Variants in GPHN observed in about 807,000 individuals in gnomAD.
GPHN encodes gephyrin.
A neutral mutation model predicts 95.5 loss-of-function variants in GPHN; 17 were observed. The observed-to-expected ratio is 0.18, with a 90% confidence interval of 0.12 to 0.27. GPHN has a LOEUF of 0.27. GPHN is among the 10% of genes least tolerant of loss of function. GPHN has a pLI of 1.00. For missense variants in GPHN, 660 were observed against 978.1 expected, an observed-to-expected ratio of 0.67 and a Z score of 4.34; for synonymous variants, 320 against 322.5, an observed-to-expected ratio of 0.99 and a Z score of 0.08.
chr14:66,824,482 G>T lies in GPHN; in HGVS notation c.210G>T (p.Leu70=). Residue 70 remains leucine (L), a synonymous_variant, in exon 4 of 23, where the codon CTG becomes CTT. Coordinates refer to ENST00000478722, the MANE Select transcript of GPHN (RefSeq NM_020806.5). ...PDEIEEIKET[L]IDWCDEKELN... is the part of the protein sequence containing the mutation. ...CTATTGTTTTCTTTCAGGAAACCCT[G>T]ATAGATTGGTGTGATGAAAAGGAAC... is the stretch of plus-strand genomic sequence containing the variant. The T allele has an allele frequency of 6.4e-7, 1 of 1,574,210 alleles. No homozygotes were observed. Among genetic ancestry groups the T allele is most frequent in the Non-Finnish European group, 8.7e-7 (1 of 1,144,396 alleles).
chr14:67,353,191 T>C, the GPHN span: 4 of 614,858 alleles, frequency 6.5e-6, no homozygotes, highest in Non-Finnish European at 1.1e-5. Flanking sequence ...GTTTAACTGA[T>C]GCTATGGTTT....
At chr14:66,960,588 A>C (rs2068834241) in intron 8 of GPHN, among the ~76,000 whole-genome samples, 1 of 152,146 alleles carries the variant, frequency 6.6e-6, no homozygotes, top group Admixed American at 6.5e-5. Context: ...GAACCAAAAA[A>C]TTAATAATAA....
At chr14:67,426,156 C>A in the GPHN span, among the ~76,000 whole-genome samples, 1 of 152,022 alleles carries the variant, frequency 6.6e-6, no homozygotes, top group Non-Finnish European at 1.5e-5. Context: ...TTAAAATATT[C>A]AGTATGACTC....
chr14:67,095,966 C>CAAAAAAAAA, intron 12 of GPHN, among the ~76,000 whole-genome samples: 4 of 67,084 alleles, frequency 6.0e-5, no homozygotes, highest in Non-Finnish European at 1.4e-4. Context: ...AAGAAAAAGG[C>CAAAAAAAAA]AAAAAAAAAA....
At chr14:66,854,251 C>T (rs924297086) in intron 4 of GPHN, among the ~76,000 whole-genome samples, 6 of 152,180 alleles carry the variant, frequency 3.9e-5, no homozygotes, top group African/African-American at 1.2e-4. Context: ...TCTCAATACC[C>T]TTCAGTCATG....
intron 18 of GPHN, among the ~76,000 whole-genome samples, chr14:67,144,248 A>AT (rs1205670543): frequency 0.011 from 682 of 62,150 alleles, no homozygotes; most frequent in Admixed American, 0.015. Context: ...AAAAAAAAAA[A>AT]AAATATATAT....
At chr14:66,694,006 A>G (rs1309293461) in intron 2 of GPHN, among the ~76,000 whole-genome samples, 3 of 152,180 alleles carry the variant, frequency 2.0e-5, no homozygotes, top group Non-Finnish European at 4.4e-5. Flanking sequence ...AGACAAATAG[A>G]TCAAGGAAAA....
chr14:66,894,858 A>G (rs890282920), intron 5 of GPHN, among the ~76,000 whole-genome samples: 8 of 152,344 alleles, frequency 5.3e-5, no homozygotes, highest in African/African-American at 1.9e-4. Context: ...TCAGGAAACA[A>G]CAGGTGCTGA....
At chr14:67,148,403 T>A (rs1397933431) in intron 18 of GPHN, among the ~76,000 whole-genome samples, 1 of 152,154 alleles carries the variant, frequency 6.6e-6, no homozygotes, top group Non-Finnish European at 1.5e-5. Flanking sequence ...TACAATCTCA[T>A]GAAAGTTTGT....
intron 13 of GPHN, among the ~76,000 whole-genome samples, chr14:67,103,553 T>C (rs1181143970): frequency 6.8e-6 from 1 of 147,844 alleles, no homozygotes; most frequent in Admixed American, 6.7e-5. Context: ...CTCTTCAGTC[T>C]TTTTCATCAG....
the GPHN span, chr14:67,674,430 G>A: frequency 2.5e-6 from 4 of 1,609,304 alleles, no homozygotes; most frequent in East Asian, 4.5e-5. Context: ...CTTCATGGAG[G>A]CCGCGGAAGA....
At chr14:66,871,824 A>G (rs1490522939) in intron 4 of GPHN, among the ~76,000 whole-genome samples, 2 of 152,198 alleles carry the variant, frequency 1.3e-5, no homozygotes, top group African/African-American at 4.8e-5. Flanking sequence ...TACCTAATAC[A>G]TGCAGAGCTT....
intron 1 of GPHN, among the ~76,000 whole-genome samples, chr14:66,520,050 A>T (rs911407812): frequency 6.6e-6 from 1 of 152,184 alleles, no homozygotes; most frequent in African/African-American, 2.4e-5. Context: ...ATCTTCAAAG[A>T]TGTTCATATA....
intron 1 of GPHN, among the ~76,000 whole-genome samples, chr14:66,642,941 C>T (rs1011464488): frequency 7.9e-5 from 10 of 126,866 alleles, no homozygotes; most frequent in Non-Finnish European, 1.2e-4. Flanking sequence ...GGAAAGATTT[C>T]TTAATAATAG....
At position 66,595,525 on chromosome 14, in the gene GPHN, G is replaced by T. The variant is rs375070984; in HGVS notation, c.65-85582G>T. 9.8e-5 allele frequency among the ~76,000 whole-genome samples: 15 copies of T among 152,314 alleles called. No homozygotes were observed. The East Asian group carries it at 2.7e-3, about 27-fold the overall frequency. ...TGAGCCAGGTACGGAGTGGTGAGGG[G>T]TGTGTGAGTTAGCGTGTGATCTGGC... On this transcript the variant is annotated intron_variant, in intron 1 of 22. Coordinates refer to ENST00000478722, the MANE Select transcript of GPHN (RefSeq NM_020806.5).
At chr14:67,200,099 C>T in the GPHN span, 1 of 1,027,352 alleles carries the variant, frequency 9.7e-7, no homozygotes, top group South Asian at 1.5e-5. Context: ...CCTGGACCTC[C>T]TCCAATGGGC....
At chr14:66,604,247 A>G (rs2062401336) in intron 1 of GPHN, among the ~76,000 whole-genome samples, 1 of 152,140 alleles carries the variant, frequency 6.6e-6, no homozygotes, top group South Asian at 2.1e-4. Context: ...TGGCACCTGC[A>G]TTTGTAAACA....
the GPHN span, among the ~76,000 whole-genome samples, chr14:67,708,318 T>C: frequency 1.3e-5 from 2 of 152,210 alleles, no homozygotes; most frequent in African/African-American, 4.8e-5. Context: ...CTGTTCTGCT[T>C]GATATTCGTG....
At chr14:67,305,570 A>G in the GPHN span, among the ~76,000 whole-genome samples, 3 of 152,104 alleles carry the variant, frequency 2.0e-5, no homozygotes, top group Non-Finnish European at 4.4e-5. Context: ...CGTGAGCCAC[A>G]ATGCCCAGCC....
Sources: gnomAD v4.1 joint callset for allele counts (sites outside exome capture counted in the v4.1 genomes callset) on GRCh38, gnomAD v4.1.1 for gene constraint, MANE v1.5 for transcripts, NCBI Gene and HGNC (gene_info 2026-07-23, HGNC 2026-07-21) for gene names.